The following CHD9 variants were observed in gnomAD, a reference collection of about 807,000 sequenced individuals.
CHD9 encodes ATP-dependent chromatin remodeler CHD9.
A neutral mutation model predicts 316.1 loss-of-function variants in CHD9; 77 were observed. That is an observed-to-expected ratio of 0.24 (90% CI 0.20 to 0.29). The LOEUF (loss-of-function observed/expected upper bound fraction) is 0.29, where lower values mean the gene tolerates loss of function less well. CHD9 is among the 10% of genes least tolerant of loss of function. The pLI is 1.00. For synonymous variants in CHD9, 1,129 were observed against 1,158.3 expected (o/e 0.97, Z 0.51); for missense variants, 2,763 against 3,438.1 (o/e 0.80, Z 4.91).
intron 22 of CHD9, among the ~76,000 whole-genome samples, chr16:53,269,896 A>G (rs1211362417): frequency 1.3e-5 from 2 of 152,092 alleles, no homozygotes; most frequent in African/African-American, 4.8e-5. Context: ...CCCCACAATG[A>G]AGAAATATCC....
At chr16:53,137,009 C>T (rs982419803) in intron 1 of CHD9, among the ~76,000 whole-genome samples, 10 of 151,360 alleles carry the variant, frequency 6.6e-5, no homozygotes, top group Admixed American at 1.3e-4. Flanking sequence ...GAGTCTTGCT[C>T]TGTCGCCAGG....
rs148296999 is a variant in CHD9, at chr16:53,165,896, A to T, written c.1452+8355A>T. Among the ~76,000 whole-genome samples, 27 of 152,278 alleles carry T rather than the reference A, an allele frequency of 1.8e-4. No individual in the cohort carries two copies. The East Asian group carries it at 5.0e-3, about 28-fold the overall frequency. On this transcript the variant is annotated intron_variant, in intron 2 of 38. Transcript: ENST00000447540. ...AAGAAAAATGACTTATAAAATATTTAGATTGTCTCCTTGAATGATTAAAAC... is the reference window on the plus strand; with the variant it reads ...AAGAAAAATGACTTATAAAATATTTTGATTGTCTCCTTGAATGATTAAAAC...
At position 53,156,097 on chromosome 16, in the gene CHD9, A is replaced by T; in HGVS notation, c.8A>T (p.Asp3Val). 1.2e-6 allele frequency: 2 copies of T among 1,611,786 alleles called. No homozygotes were observed. The highest frequency in any genetic ancestry group is 2.2e-5 in the South Asian group (2 of 90,754). MTDPMMDFFDDAN... is the reference protein window; with the variant it reads MTVPMMDFFDDAN... The stretch of plus-strand genomic sequence containing the variant: ...TGTTACAGAATTTTCAAGATGACAG[A>T]TCCAATGATGGACTTTTTTGATGAT... Residue 3 changes from aspartate (D) to valine (V), a missense_variant, in exon 2 of 39, where the codon GAT becomes GTT. This residue lies in a region of CHD9 where 859 missense variants were observed against 890.4 expected (regional missense o/e 0.96). Coordinates refer to ENST00000447540, the MANE Select transcript of CHD9 (RefSeq NM_001308319.2).
intron 1 of CHD9, among the ~76,000 whole-genome samples, chr16:53,115,342 A>C (rs571734802): frequency 2.4e-4 from 37 of 152,368 alleles, no homozygotes; most frequent in African/African-American, 7.0e-4. Flanking sequence ...AATTACAAAA[A>C]GAGCTTTTAA....
At chr16:53,066,399 A>T (rs1450961788) in intron 1 of CHD9, among the ~76,000 whole-genome samples, 1 of 152,212 alleles carries the variant, frequency 6.6e-6, no homozygotes, top group Non-Finnish European at 1.5e-5. Context: ...TGAAGCAAGC[A>T]GACCTTTTAC....
Position 53,242,914 on chromosome 16 carries a change from A to C in CHD9, c.2952A>C (p.Gly984=), listed in dbSNP as rs1445025685. 1 of 1,613,416 alleles carries C rather than the reference A, an allele frequency of 6.2e-7. No individual in the cohort carries two copies. The highest frequency in any genetic ancestry group is 1.3e-5 in the African/African-American group (1 of 74,920). Residue 984 remains glycine (G), a synonymous_variant, in exon 13 of 39, where the codon GGA becomes GGC. Transcript: ENST00000447540. ...TTGAAATGATTCTTGGAGGCTGTGG[A>C]GAGCTTAATGCAATTGAATGGCGAT... is the stretch of plus-strand genomic sequence containing the variant. The part of the protein sequence containing the change: ...TTFEMILGGC[G]ELNAIEWRCV...
intron 24 of CHD9, among the ~76,000 whole-genome samples, chr16:53,276,491 G>C (rs1220436849): frequency 6.6e-6 from 1 of 152,056 alleles, no homozygotes; most frequent in African/African-American, 2.4e-5. Context: ...TAATGACCTT[G>C]CTACATATTT....
intron 2 of CHD9, among the ~76,000 whole-genome samples, chr16:53,165,532 T>G (rs2042216248): frequency 6.6e-6 from 1 of 152,146 alleles, no homozygotes; most frequent in Non-Finnish European, 1.5e-5. Context: ...GAAAATAATT[T>G]TAAAGGGAGG....
intron 26 of CHD9, 44 bp downstream of exon 26, chr16:53,286,387 C>G: frequency 1.0e-6 from 1 of 987,214 alleles, no homozygotes. Flanking sequence ...TATCTCTCTT[C>G]TATTCAATAT....
Position 53,157,107 on chromosome 16 carries a change from T to C in CHD9, c.1018T>C (p.Leu340=). 3 of 1,611,754 alleles carry C rather than the reference T, an allele frequency of 1.9e-6. No individual in the cohort carries two copies. The highest frequency in any genetic ancestry group is 1.7e-6 in the Non-Finnish European group (2 of 1,178,590). The part of the protein sequence containing the change: ...TSLNSNNFQI[L]HSSHPQGNYS... ...ATTGAATTCAAATAATTTCCAAATA[T>C]TGCATTCATCACATCCTCAGGGTAA... Residue 340 remains leucine, a synonymous_variant, in exon 2 of 39, where the codon TTG becomes CTG. Transcript: ENST00000447540.
chr16:53,252,283 C>CA (rs2050192265), intron 17 of CHD9, among the ~76,000 whole-genome samples: 1 of 152,054 alleles, frequency 6.6e-6, no homozygotes, highest in Non-Finnish European at 1.5e-5. Flanking sequence ...ACAAAACAAA[C>CA]AAAAACATAA....
chr16:53,092,769 A>ATTTAT (rs1555481812), intron 1 of CHD9, among the ~76,000 whole-genome samples: 4 of 151,580 alleles, frequency 2.6e-5, no homozygotes, highest in Non-Finnish European at 5.9e-5. Flanking sequence ...CACCTTTATT[A>ATTTAT]TTATTTATTT....
At position 53,216,280 on chromosome 16, in the gene CHD9, G is replaced by A. The variant is rs551447472; in HGVS notation, c.1785-6364G>A. On this transcript the variant is annotated intron_variant, in intron 3 of 38. Transcript: ENST00000447540. Reference sequence around the variant, plus strand: ...TTGCTTAACTGATTTTATTTTTTCTGCTACTGAAACATCTGATTTCCTTCA... The same window carrying A: ...TTGCTTAACTGATTTTATTTTTTCTACTACTGAAACATCTGATTTCCTTCA... 1.1e-4 allele frequency among the ~76,000 whole-genome samples: 17 copies of A among 152,064 alleles called. No homozygotes were observed. The East Asian group carries it at 3.1e-3, about 28-fold the overall frequency.
chr16:53,260,079 C>T (rs2050952879), intron 19 of CHD9, among the ~76,000 whole-genome samples: 1 of 152,190 alleles, frequency 6.6e-6, no homozygotes, highest in African/African-American at 2.4e-5. Context: ...GTTCCTCATA[C>T]TCATTTATAC....
chr16:53,261,385 T>A (rs190982463), intron 19 of CHD9, among the ~76,000 whole-genome samples: 1,839 of 145,314 alleles, frequency 0.013, 38 homozygotes, highest in African/African-American at 0.043. Context: ...TTTTTTTTTT[T>A]AGACAGGTTC....
chr16:53,118,691 C>T (rs1271176289), intron 1 of CHD9, among the ~76,000 whole-genome samples: 1 of 151,548 alleles, frequency 6.6e-6, no homozygotes, highest in Non-Finnish European at 1.5e-5. Flanking sequence ...CCAAAATGTC[C>T]AAGAATTCCA....
intron 34 of CHD9, among the ~76,000 whole-genome samples, chr16:53,314,176 G>A (rs1340783284): frequency 2.6e-5 from 4 of 151,908 alleles, no homozygotes; most frequent in African/African-American, 7.3e-5. Flanking sequence ...GAGAAGACAG[G>A]TCAAAAATTG....
At chr16:53,239,874 G>A (rs942245978) in intron 12 of CHD9, among the ~76,000 whole-genome samples, 6 of 152,228 alleles carry the variant, frequency 3.9e-5, no homozygotes, top group African/African-American at 1.4e-4. Flanking sequence ...GACTCCAAAG[G>A]TGCAAAGGTG....
At chr16:53,108,893 A>AAAAATAAAATAAAAT (rs146326973) in intron 1 of CHD9, among the ~76,000 whole-genome samples, 44 of 151,892 alleles carry the variant, frequency 2.9e-4, no homozygotes, top group African/African-American at 1.0e-3. Context: ...AAACTGTTTC[A>AAAAATAAAATAAAAT]AAAATAAAAT....
Sources: allele counts gnomAD v4.1 joint callset (sites outside exome capture counted in the v4.1 genomes callset), GRCh38; gene constraint gnomAD v4.1.1; regional missense constraint gnomAD v4.1.1; transcripts MANE v1.5; gene names NCBI Gene and HGNC (gene_info 2026-07-23, HGNC 2026-07-21).